Variants in IFT43 observed in about 807,000 individuals in gnomAD.
The protein encoded by IFT43 is intraflagellar transport 43.
Under a neutral mutation model 32.3 loss-of-function variants are expected in IFT43, and 33 were observed. The observed-to-expected ratio is 1.02, with a 90% CI of 0.77 to 1.37. IFT43 has a LOEUF of 1.37. Ranked by LOEUF, IFT43 falls within the 40% of genes most tolerant of loss-of-function variation. IFT43 has a pLI of 0.00. For missense variants in IFT43, 274 were observed against 265.9 expected (o/e 1.03, Z -0.21); for synonymous variants, 93 against 98.2 (o/e 0.95, Z 0.31).
At chr14:76,081,174 G>A (rs1028205322) in intron 5 of IFT43, among the ~76,000 whole-genome samples, 3 of 152,206 alleles carry the variant, frequency 2.0e-5, no homozygotes, top group Non-Finnish European at 4.4e-5. Context: ...ATCAAAAGTC[G>A]AAATCACGAA....
chr14:76,022,277 A>G (rs1346519739), intron 2 of IFT43, 50 bp from the exon 3 acceptor site: 1 of 1,497,692 alleles, frequency 6.7e-7, no homozygotes, highest in African/African-American at 1.4e-5. Context: ...AAAATAAAAT[A>G]AATGCAAATG....
intron 2 of IFT43, among the ~76,000 whole-genome samples, chr14:75,999,263 ATATATATATG>A (rs1209788614): frequency 2.8e-3 from 68 of 24,538 alleles, no homozygotes; most frequent in African/African-American, 8.4e-3. Flanking sequence ...ATATATATAT[ATATATATATG>A]TATATATATT....
At chr14:75,995,073 T>C (rs975169140) in intron 2 of IFT43, among the ~76,000 whole-genome samples, 11 of 152,242 alleles carry the variant, frequency 7.2e-5, no homozygotes, top group African/African-American at 2.7e-4. Flanking sequence ...GCTAGCTATC[T>C]GTTCATTACA....
chr14:76,079,198 A>G (rs954143555), intron 5 of IFT43, among the ~76,000 whole-genome samples: 3 of 152,142 alleles, frequency 2.0e-5, no homozygotes, highest in African/African-American at 7.2e-5. Flanking sequence ...GAAGTCCATT[A>G]CTCATAGATT....
At chr14:76,063,623 A>G (rs1052007907) in intron 5 of IFT43, among the ~76,000 whole-genome samples, 4 of 152,224 alleles carry the variant, frequency 2.6e-5, no homozygotes, top group Non-Finnish European at 4.4e-5. Context: ...AAACAGTAGT[A>G]CCATGTATTT....
chr14:76,019,171 C>G (rs1282305920), intron 2 of IFT43, among the ~76,000 whole-genome samples: 2 of 151,966 alleles, frequency 1.3e-5, no homozygotes, highest in Non-Finnish European at 2.9e-5. Flanking sequence ...ATTTGTGTAT[C>G]TGTTCTACTA....
intron 2 of IFT43, among the ~76,000 whole-genome samples, chr14:76,011,227 C>T (rs747926662): frequency 2.6e-4 from 40 of 152,266 alleles, no homozygotes; most frequent in Admixed American, 3.9e-4. Flanking sequence ...CTCTTTTTAA[C>T]GGCATTGACA....
At chr14:76,081,905 C>T (rs2037516253) in intron 5 of IFT43, among the ~76,000 whole-genome samples, 1 of 152,212 alleles carries the variant, frequency 6.6e-6, no homozygotes, top group Non-Finnish European at 1.5e-5. Flanking sequence ...TGTCTCTGAC[C>T]ATGCCAGGCT....
Position 76,083,703 on chromosome 14 carries a change from T to C in IFT43, c.*126T>C, listed in dbSNP as rs1390938615. On this transcript the variant is annotated 3_prime_UTR_variant, in exon 9 of 9. Transcript: ENST00000314067. The stretch of plus-strand genomic sequence containing the variant: ...AAATATTTATATTCAGTCAACCACA[T>C]TGGATAATTCAATTGCAATAAATTG... 1.7e-5 allele frequency: 15 copies of C among 905,314 alleles called. No individual in the cohort carries two copies. The highest frequency in any genetic ancestry group is 2.6e-5 in the East Asian group (1 of 38,048). 56.1% of individuals were successfully genotyped at this position (905,314 alleles called of 1,614,324 possible). A position where few individuals can be genotyped will look rare whatever the true frequency, so the allele number is the denominator to read the frequency against.
chr14:76,027,333 A>AC (rs56836132), intron 3 of IFT43, among the ~76,000 whole-genome samples: 11 of 124,546 alleles, frequency 8.8e-5, no homozygotes, highest in African/African-American at 3.4e-4. Context: ...CTTCCCCAAC[A>AC]CCCCCCACAC....
intron 3 of IFT43, among the ~76,000 whole-genome samples, chr14:76,038,742 G>C (rs915722781): frequency 6.6e-6 from 1 of 152,220 alleles, no homozygotes. Context: ...GTAGGGAAAA[G>C]TGTGAGATGT....
At chr14:76,073,366 T>C (rs1208417223) in intron 5 of IFT43, among the ~76,000 whole-genome samples, 1 of 152,162 alleles carries the variant, frequency 6.6e-6, no homozygotes, top group East Asian at 1.9e-4. Flanking sequence ...GGCCCTCAGT[T>C]GGAGAAGTCT....
intron 2 of IFT43, among the ~76,000 whole-genome samples, chr14:76,018,829 A>G (rs1430550320): frequency 6.6e-6 from 1 of 151,956 alleles, no homozygotes; most frequent in Non-Finnish European, 1.5e-5. Flanking sequence ...ATCTCATGTA[A>G]GTATAGCTTC....
chr14:76,014,004 CAT>C, intron 2 of IFT43: 1 of 236,396 alleles, frequency 4.2e-6, no homozygotes, highest in Non-Finnish European at 9.2e-6. Context: ...TCCAGGCTGT[CAT>C]AGCACTTGTG....
chr14:76,007,191 A>T lies in IFT43; in HGVS notation c.148-15136A>T, dbSNP rs868386708. ...ACTTTTCAAATGGTATATAGTAGGG[A>T]TAGTGAAATGTGTACTAATTTGCTA... On this transcript the variant is annotated intron_variant, in intron 2 of 8. Transcript: ENST00000314067. 9.9e-5 allele frequency among the ~76,000 whole-genome samples: 15 copies of T among 152,204 alleles called. No individual in the cohort carries two copies. In the Middle Eastern group the frequency reaches 0.01, roughly 104 times the overall value.
intron 5 of IFT43, among the ~76,000 whole-genome samples, chr14:76,065,735 G>A (rs531354293): frequency 6.6e-6 from 1 of 152,096 alleles, no homozygotes; most frequent in Non-Finnish European, 1.5e-5. Context: ...ACCACAGTAT[G>A]TTCAGTTGTT....
intron 2 of IFT43, among the ~76,000 whole-genome samples, chr14:76,000,888 A>T (rs2035872192): frequency 6.6e-6 from 1 of 152,228 alleles, no homozygotes; most frequent in Non-Finnish European, 1.5e-5. Context: ...AATTATTTCA[A>T]TTTGGGACAT....
At chr14:75,991,750 G>C (rs1293351404) in intron 2 of IFT43, among the ~76,000 whole-genome samples, 1 of 151,974 alleles carries the variant, frequency 6.6e-6, no homozygotes, top group African/African-American at 2.4e-5. Context: ...TACCATTTTT[G>C]TGGGAGAACA....
chr14:76,060,803 T>C (rs2037116929), intron 5 of IFT43, among the ~76,000 whole-genome samples: 1 of 146,386 alleles, frequency 6.8e-6, no homozygotes. Flanking sequence ...CTTTCTTTCT[T>C]CCCTCCCTTC....
Sources: allele counts gnomAD v4.1 joint callset (sites outside exome capture counted in the v4.1 genomes callset), GRCh38; gene constraint gnomAD v4.1.1; transcripts MANE v1.5; gene names NCBI Gene and HGNC (gene_info 2026-07-23, HGNC 2026-07-21).